PPFIBP2: variants seen among roughly 807,000 people sequenced by gnomAD.
The protein encoded by PPFIBP2 is PPFIB scaffold protein 2, also known as liprin-beta-2.
In PPFIBP2, 118 loss-of-function variants were observed where a neutral mutation model predicts 118.3. The observed-to-expected ratio is 1.00, with a 90% confidence interval of 0.86 to 1.16. PPFIBP2 has a LOEUF of 1.16. Ranked by LOEUF, PPFIBP2 falls within the 50% of genes most tolerant of loss-of-function variation. The pLI is 0.00. For missense variants in PPFIBP2, 1,195 were observed against 1,073.1 expected (o/e 1.11, Z -1.59); for synonymous variants, 414 against 397.4 (o/e 1.04, Z -0.50).
intron 3 of PPFIBP2, among the ~76,000 whole-genome samples, chr11:7,568,570 G>A (rs554719514): frequency 1.6e-4 from 24 of 152,318 alleles, no homozygotes; most frequent in African/African-American, 4.8e-4. Context: ...TGCAAGGGAG[G>A]CTGGGAAAGC....
At chr11:7,558,828 C>G (rs879566431) in intron 2 of PPFIBP2, among the ~76,000 whole-genome samples, 7 of 152,044 alleles carry the variant, frequency 4.6e-5, no homozygotes, top group Admixed American at 4.6e-4. Flanking sequence ...GTCTTATCCT[C>G]AAAAATAATT....
At chr11:7,541,934 T>C (rs895288867) in intron 1 of PPFIBP2, among the ~76,000 whole-genome samples, 1 of 152,226 alleles carries the variant, frequency 6.6e-6, no homozygotes, top group African/African-American at 2.4e-5. Flanking sequence ...GTAAATCTTA[T>C]GGGCTTTGTC....
At chr11:7,654,825 T>G (rs117914325), downstream of PPFIBP2, among the ~76,000 whole-genome samples, 2 of 152,340 alleles carry the variant, frequency 1.3e-5, no homozygotes, top group Non-Finnish European at 2.9e-5. Context: ...TAAGTCCTGT[T>G]CCCTTTGTGG....
chr11:7,545,868 G>A (rs994985358), intron 1 of PPFIBP2, among the ~76,000 whole-genome samples: 1 of 152,174 alleles, frequency 6.6e-6, no homozygotes, highest in Non-Finnish European at 1.5e-5. Flanking sequence ...AGAACTTTCA[G>A]CCCCACTCCC....
the PPFIBP2 span, chr11:7,666,618 C>A: frequency 1.3e-5 from 15 of 1,169,560 alleles, no homozygotes; most frequent in South Asian, 1.7e-4. Flanking sequence ...CTGACTACAC[C>A]GGTCAGCATA....
the PPFIBP2 span, chr11:7,666,732 G>C: frequency 1.6e-5 from 8 of 505,048 alleles, no homozygotes; most frequent in Non-Finnish European, 2.5e-5. Flanking sequence ...CCTTTGTTTT[G>C]TGGATGAAGT....
intron 5 of PPFIBP2, among the ~76,000 whole-genome samples, chr11:7,603,830 C>T (rs1449695868): frequency 6.6e-6 from 1 of 152,060 alleles, no homozygotes; most frequent in African/African-American, 2.4e-5. Context: ...TTTCATGGTC[C>T]ATCACAGTAA....
chr11:7,639,503 T>G (rs993150494), intron 14 of PPFIBP2, among the ~76,000 whole-genome samples: 4 of 152,232 alleles, frequency 2.6e-5, no homozygotes, highest in Admixed American at 1.3e-4. Context: ...GCCCCAGATT[T>G]GCACTTGACT....
chr11:7,613,985 C>T (rs541595192), intron 6 of PPFIBP2, among the ~76,000 whole-genome samples: 4 of 152,344 alleles, frequency 2.6e-5, no homozygotes, highest in African/African-American at 4.8e-5. Context: ...ATCATTTCTT[C>T]TTCCTTGTGG....
the PPFIBP2 span, chr11:7,665,553 T>G: frequency 1.3e-6 from 2 of 1,595,874 alleles, no homozygotes; most frequent in Non-Finnish European, 1.7e-6. Context: ...CAGCCTGAAA[T>G]GAAGGAGATG....
intron 3 of PPFIBP2, among the ~76,000 whole-genome samples, chr11:7,584,399 A>C (rs774328915): frequency 2.0e-5 from 3 of 152,212 alleles, no homozygotes; most frequent in Non-Finnish European, 2.9e-5. Context: ...AATAAGGGTC[A>C]AGGTCAGGAT....
At position 7,653,369 on chromosome 11, in the gene PPFIBP2, T is replaced by G. The variant is rs1241499012; in HGVS notation, c.*151T>G. ...CCCCTGGGCCAGTCTCTTTGAACCC[T>G]GAGGGTGGCCAGGATCTGGAGCTGC... On this transcript the variant is annotated 3_prime_UTR_variant, in exon 24 of 24. Coordinates refer to ENST00000299492, the MANE Select transcript of PPFIBP2 (RefSeq NM_003621.5). 6.7e-7 allele frequency: 1 copy of G among 1,484,482 alleles called. No individual in the cohort carries two copies. The highest frequency in any genetic ancestry group is 1.4e-5 in the South Asian group (1 of 73,426). The allele number at this position is 1,484,482 out of a possible 1,614,324, so 92.0% of individuals were successfully genotyped here.
chr11:7,551,650 T>A (rs149234904), intron 2 of PPFIBP2, among the ~76,000 whole-genome samples: 39 of 152,366 alleles, frequency 2.6e-4, no homozygotes, highest in African/African-American at 7.5e-4. Context: ...GGATTTTGAT[T>A]GCAATTGCAT....
At chr11:7,665,377 G>GT in the PPFIBP2 span, 23 of 1,562,734 alleles carry the variant, frequency 1.5e-5, no homozygotes, top group Non-Finnish European at 2.0e-5. Context: ...GGAGGTGTTA[G>GT]TAGGTGAAAA....
At chr11:7,666,115 G>T in the PPFIBP2 span, 9 of 621,608 alleles carry the variant, frequency 1.4e-5, no homozygotes, top group Non-Finnish European at 2.6e-5. Context: ...GGTGAGTGGT[G>T]AAGGGGTCAG....
In PPFIBP2 at chr11:7,641,539, C is replaced by T. The variant is rs745824218; in HGVS notation, c.1436C>T (p.Ser479Leu). Reference protein sequence around the residue: ...AVVNDLSSTSSGTESGPQSPL... With the variant: ...AVVNDLSSTSLGTESGPQSPL... ...GTCAATGACCTCTCATCCACATCAT[C>T]GGGCACTGAATCAGGTCCTCAGTCT... Residue 479 changes from serine (S) to leucine (L), a missense_variant, in exon 16 of 24, where the codon TCG becomes TTG. Transcript: ENST00000299492. 6.2e-6 allele frequency: 10 copies of T among 1,613,324 alleles called. No individual in the cohort carries two copies. Among genetic ancestry groups the T allele is most frequent in the Middle Eastern group, 1.6e-4 (1 of 6,084 alleles).
At chr11:7,581,795 G>A (rs989880834) in intron 3 of PPFIBP2, among the ~76,000 whole-genome samples, 1 of 151,886 alleles carries the variant, frequency 6.6e-6, no homozygotes, top group South Asian at 2.1e-4. Context: ...CAATTTCCTT[G>A]ATTATATATA....
chr11:7,664,153 G>T, the PPFIBP2 span, among the ~76,000 whole-genome samples: 2 of 152,276 alleles, frequency 1.3e-5, no homozygotes, highest in South Asian at 2.1e-4. Flanking sequence ...GTTCCTATTC[G>T]GCCGTCTTGG....
Position 7,577,306 on chromosome 11 carries a change from C to T in PPFIBP2, c.279+11539C>T, listed in dbSNP as rs184140631. On this transcript the variant is annotated intron_variant, in intron 3 of 23. Transcript: ENST00000299492. Reference sequence around the variant, plus strand: ...CTGAATCCCAGTCCTGGTGCGTGTGCGTGCATGTATGTGCGTGTGTGTGTG... The same window carrying T: ...CTGAATCCCAGTCCTGGTGCGTGTGTGTGCATGTATGTGCGTGTGTGTGTG... 712 of 226,834 alleles carry T rather than the reference C, an allele frequency of 3.1e-3. 7 individuals carry two copies. Among genetic ancestry groups the T allele is most frequent in the Non-Finnish European group, 4.2e-3 (467 of 111,048 alleles). 14.1% of individuals were successfully genotyped at this position (226,834 alleles called of 1,614,324 possible).
Sources: gnomAD v4.1 joint callset for allele counts (sites outside exome capture counted in the v4.1 genomes callset) on GRCh38, gnomAD v4.1.1 for gene constraint, MANE v1.5 for transcripts, NCBI Gene and HGNC (gene_info 2026-07-23, HGNC 2026-07-21) for gene names.